ANO1: variants seen among roughly 807,000 people sequenced by gnomAD.
The protein encoded by ANO1 is anoctamin 1, also known as anoctamin-1.
Under a neutral mutation model 124.0 loss-of-function variants are expected in ANO1, and 59 were observed. The ratio of observed to expected loss-of-function variants is 0.48; its 90% CI spans 0.39 to 0.59. ANO1 has a LOEUF of 0.59. Ranked by LOEUF, ANO1 falls within the 20% of genes least tolerant of loss-of-function variation. ANO1 has a pLI of 0.00. For synonymous variants in ANO1, 529 were observed against 532.0 expected (o/e 0.99, Z 0.08); for missense variants, 1,059 against 1,328.0 (o/e 0.80, Z 3.15).
chr11:70,059,049 G>A (rs1323122785), intron 1 of ANO1, among the ~76,000 whole-genome samples: 2 of 151,882 alleles, frequency 1.3e-5, no homozygotes, highest in African/African-American at 4.8e-5. Flanking sequence ...AAAATTAGCT[G>A]GGCGTGGTGG....
chr11:70,108,486 G>GCAGC (rs2045647452), intron 6 of ANO1, 82 bp downstream of exon 6: 2 of 1,488,298 alleles, frequency 1.3e-6, no homozygotes, highest in East Asian at 4.6e-5. Context: ...TGGGAGGCAG[G>GCAGC]CAGCCGGCTT....
chr11:70,079,163 G>A (rs2044127851), intron 1 of ANO1, among the ~76,000 whole-genome samples: 1 of 152,086 alleles, frequency 6.6e-6, no homozygotes, highest in South Asian at 2.1e-4. Context: ...CAAGTTGGTC[G>A]CCACTCCACG....
chr11:70,032,367 G>A (rs1857016795), intron 1 of ANO1, among the ~76,000 whole-genome samples: 1 of 152,166 alleles, frequency 6.6e-6, no homozygotes, highest in Non-Finnish European at 1.5e-5. Flanking sequence ...GGTGCAGGCA[G>A]GTGCCCCTGG....
At chr11:70,013,439 CAT>C (rs1281484867) in intron 1 of ANO1, among the ~76,000 whole-genome samples, 2 of 152,072 alleles carry the variant, frequency 1.3e-5, no homozygotes, top group Non-Finnish European at 2.9e-5. Flanking sequence ...GAAAAGCACA[CAT>C]GTCCCAGGCA....
upstream of ANO1, among the ~76,000 whole-genome samples, chr11:70,074,605 C>T (rs1172698996): frequency 6.6e-6 from 1 of 152,116 alleles, no homozygotes; most frequent in African/African-American, 2.4e-5. Flanking sequence ...CTGGCCCCCC[C>T]AGGTCCAGTT....
intron 3 of ANO1, among the ~76,000 whole-genome samples, chr11:70,103,476 C>T (rs1440008414): frequency 6.6e-6 from 1 of 152,162 alleles, no homozygotes; most frequent in Non-Finnish European, 1.5e-5. Flanking sequence ...CTTGCAGACA[C>T]AGTTACAGTT....
rs754233801 is a variant in ANO1 at position 70,184,408 on chromosome 11, T to C, written c.2589-1182T>C. On this transcript the variant is annotated intron_variant, in intron 24 of 25. Coordinates refer to ENST00000355303, the MANE Select transcript of ANO1 (RefSeq NM_018043.7). ...AGCCTCCTTCCTGAGGCTCCAATCA[T>C]ATCCACGAAGAGCCAAGGTCAGTGG... Among the ~76,000 whole-genome samples the C allele has an allele frequency of 8.5e-5, 13 of 152,202 alleles. No homozygotes were observed. In the South Asian group the frequency reaches 1.2e-3, roughly 15 times the overall value.
At chr11:70,024,290 G>A (rs1344592496) in intron 1 of ANO1, among the ~76,000 whole-genome samples, 1 of 152,222 alleles carries the variant, frequency 6.6e-6, no homozygotes, top group Non-Finnish European at 1.5e-5. Context: ...GTACCCACTA[G>A]CAGATCCCTG....
chr11:70,010,198 T>TATATAA lies in ANO1; in HGVS notation c.58+24032_58+24033insATATAA, dbSNP rs1206858671. 1.0e-4 allele frequency among the ~76,000 whole-genome samples: 14 copies of TATATAA among 137,502 alleles called. 1 individual carries two copies. Among genetic ancestry groups the TATATAA allele is most frequent in the African/African-American group, 3.8e-4 (14 of 37,272 alleles). The allele number at this position is 137,502 out of a possible 152,430, so 90.2% of individuals were successfully genotyped here. On this transcript the variant is annotated intron_variant, in intron 1 of 27. Transcript: ENST00000531349. ...GTGTGTGTATATATATATATATATA[T>TATATAA]CACATTTTCTTTATCCACTCATCAG...
At position 70,049,215 on chromosome 11, in the gene ANO1, G is replaced by A. The variant is rs782600651; in HGVS notation, c.59-29327G>A. Among the ~76,000 whole-genome samples the A allele has an allele frequency of 1.1e-4, 17 of 152,200 alleles. 1 individual carries two copies. Among genetic ancestry groups the A allele is most frequent in the South Asian group, 4.2e-4 (2 of 4,796 alleles). ...TGGAAGCTCAGCTCCCACCACCAGC[G>A]CTTCTCAATGCTCCCAAGTCACCCA... On this transcript the variant is annotated intron_variant, in intron 1 of 27. Transcript: ENST00000531349.
chr11:70,081,135 T>C (rs2044188498), intron 1 of ANO1, among the ~76,000 whole-genome samples: 1 of 152,228 alleles, frequency 6.6e-6, no homozygotes, highest in African/African-American at 2.4e-5. Flanking sequence ...CCTCTCTTCA[T>C]TCCCAAGTTC....
At chr11:70,136,198 T>A (rs750877991) in intron 11 of ANO1, among the ~76,000 whole-genome samples, 1 of 152,162 alleles carries the variant, frequency 6.6e-6, no homozygotes, top group Non-Finnish European at 1.5e-5. Flanking sequence ...GACTAGAGCG[T>A]CCAGGGCTGG....
chr11:70,086,567 A>G (rs2044393611), intron 1 of ANO1, among the ~76,000 whole-genome samples: 1 of 152,200 alleles, frequency 6.6e-6, no homozygotes, highest in Non-Finnish European at 1.5e-5. Context: ...AAGGTGACTG[A>G]CCGTGCAGGT....
At chr11:69,980,774 C>T in the ANO1 span, among the ~76,000 whole-genome samples, 1 of 152,124 alleles carries the variant, frequency 6.6e-6, no homozygotes, top group Non-Finnish European at 1.5e-5. Context: ...AAAGTATGGG[C>T]TGGGCACGGT....
Position 70,189,213 on chromosome 11 carries a change from C to T in ANO1, c.*1209C>T, listed in dbSNP as rs1407520985. ...AGAGAAACATCATTTTAGCAAAGGC[C>T]AGGAGGAAAAATAGAAATAAATTTG... On this transcript the variant is annotated 3_prime_UTR_variant, in exon 26 of 26. Transcript: ENST00000355303. The T allele has an allele frequency of 6.6e-6, 1 of 152,468 alleles. No homozygotes were observed. The highest frequency in any genetic ancestry group is 1.5e-5 in the Non-Finnish European group (1 of 68,022). The allele number at this position is 152,468 out of a possible 1,614,324, so 9.4% of individuals were successfully genotyped here.
At chr11:70,181,751 A>G (rs1275303885) in intron 23 of ANO1, among the ~76,000 whole-genome samples, 1 of 151,996 alleles carries the variant, frequency 6.6e-6, no homozygotes, top group Non-Finnish European at 1.5e-5. Context: ...ACATAATGAA[A>G]CACAGTGAGA....
the ANO1 span, among the ~76,000 whole-genome samples, chr11:69,976,073 C>A: frequency 6.6e-6 from 1 of 152,136 alleles, no homozygotes; most frequent in South Asian, 2.1e-4. Flanking sequence ...TCACCTGGGC[C>A]GTGTCTCTGT....
the ANO1 span, among the ~76,000 whole-genome samples, chr11:69,976,389 C>A: frequency 2.0e-5 from 3 of 151,574 alleles, no homozygotes; most frequent in African/African-American, 7.3e-5. Flanking sequence ...CGCCTGTAGT[C>A]GCAGCTACTC....
At chr11:69,969,460 T>C in the ANO1 span, among the ~76,000 whole-genome samples, 19 of 152,304 alleles carry the variant, frequency 1.2e-4, no homozygotes, top group Non-Finnish European at 2.8e-4. Context: ...CTGTGCTTTC[T>C]CTGGTGATGT....
Sources: allele counts gnomAD v4.1 joint callset (sites outside exome capture counted in the v4.1 genomes callset), GRCh38; gene constraint gnomAD v4.1.1; transcripts MANE v1.5; gene names NCBI Gene and HGNC (gene_info 2026-07-23, HGNC 2026-07-21).